MAGI2: variants seen among roughly 807,000 people sequenced by gnomAD.
MAGI2 encodes the protein membrane-associated guanylate kinase, WW and PDZ domain-containing protein 2.
MAGI2 carries 35 observed loss-of-function variants against 133.3 expected under a neutral mutation model. That is an observed-to-expected ratio of 0.26 (90% CI 0.20 to 0.35). MAGI2 has a LOEUF of 0.35. Ranked by LOEUF, MAGI2 falls within the 10% of genes least tolerant of loss-of-function variation. The pLI is 1.00. For synonymous variants in MAGI2, 729 were observed against 710.6 expected (o/e 1.03, Z -0.41); for missense variants, 1,636 against 1,863.4 (o/e 0.88, Z 2.25).
chr7:78,759,679 AT>A (rs572499017), intron 2 of MAGI2, among the ~76,000 whole-genome samples: 7 of 152,366 alleles, frequency 4.6e-5, no homozygotes, highest in Admixed American at 6.5e-5. Flanking sequence ...TTAGAAAAAA[AT>A]ACCTATTATT....
chr7:78,849,727 A>T (rs1473677187), intron 2 of MAGI2, among the ~76,000 whole-genome samples: 1 of 152,074 alleles, frequency 6.6e-6, no homozygotes, highest in African/African-American at 2.4e-5. Flanking sequence ...CTCTCTAAAG[A>T]TGACGTTTCT....
intron 1 of MAGI2, among the ~76,000 whole-genome samples, chr7:79,444,067 T>C (rs898360767): frequency 2.6e-5 from 4 of 152,178 alleles, no homozygotes; most frequent in African/African-American, 7.2e-5. Context: ...AAAAACCATA[T>C]GATTTTCTCA....
chr7:78,597,157 G>T (rs1250102115), intron 3 of MAGI2, among the ~76,000 whole-genome samples: 1 of 152,110 alleles, frequency 6.6e-6, no homozygotes, highest in Non-Finnish European at 1.5e-5. Context: ...AGACAAGCTT[G>T]AAAAACATGC....
chr7:78,959,053 C>T (rs145464045), intron 2 of MAGI2, among the ~76,000 whole-genome samples: 2 of 152,088 alleles, frequency 1.3e-5, no homozygotes, highest in Admixed American at 6.6e-5. Flanking sequence ...CCACGGGCAA[C>T]CTTGTAAGAT....
intron 3 of MAGI2, among the ~76,000 whole-genome samples, chr7:78,596,083 A>C (rs1160364767): frequency 6.6e-6 from 1 of 151,520 alleles, no homozygotes; most frequent in East Asian, 1.9e-4. Context: ...TTTGTAGATC[A>C]GAAAAAATGC....
intron 1 of MAGI2, chr7:79,412,943 A>T (rs1005125398): frequency 1.3e-5 from 2 of 152,142 alleles, no homozygotes; most frequent in African/African-American, 4.8e-5. Flanking sequence ...CTTTTGAGGG[A>T]GAAAATATCC....
At chr7:79,074,214 C>T (rs1815252133) in intron 1 of MAGI2, among the ~76,000 whole-genome samples, 1 of 152,156 alleles carries the variant, frequency 6.6e-6, no homozygotes, top group African/African-American at 2.4e-5. Flanking sequence ...AAGAGAGTTA[C>T]CATCTTAGGC....
intron 2 of MAGI2, among the ~76,000 whole-genome samples, chr7:78,717,214 G>GCC (rs1476568165): frequency 1.3e-5 from 2 of 151,968 alleles, no homozygotes; most frequent in Admixed American, 1.3e-4. Flanking sequence ...CCGTCGAGCC[G>GCC]CCCTCCTTGT....
intron 3 of MAGI2, among the ~76,000 whole-genome samples, chr7:78,624,813 A>C (rs942108596): frequency 2.0e-5 from 3 of 152,202 alleles, no homozygotes; most frequent in African/African-American, 7.2e-5. Flanking sequence ...GGTTATGTAT[A>C]GCGTGTAATA....
intron 6 of MAGI2, among the ~76,000 whole-genome samples, chr7:78,448,667 A>G (rs1462291304): frequency 6.6e-6 from 1 of 152,056 alleles, no homozygotes; most frequent in Non-Finnish European, 1.5e-5. Context: ...GGGTCCTCAA[A>G]ATGAGACCTT....
chr7:78,747,917 A>G (rs1311371814), intron 2 of MAGI2, among the ~76,000 whole-genome samples: 1 of 152,178 alleles, frequency 6.6e-6, no homozygotes, highest in African/African-American at 2.4e-5. Context: ...ATTTTATTAC[A>G]TACCACCATA....
chr7:78,349,205 T>C (rs1791233314), intron 7 of MAGI2, among the ~76,000 whole-genome samples: 1 of 152,222 alleles, frequency 6.6e-6, no homozygotes, highest in Non-Finnish European at 1.5e-5. Flanking sequence ...TTATTTATCT[T>C]TCTGTATTGA....
At chr7:78,164,091 C>A (rs1302159490) in intron 15 of MAGI2, among the ~76,000 whole-genome samples, 1 of 152,082 alleles carries the variant, frequency 6.6e-6, no homozygotes, top group Non-Finnish European at 1.5e-5. Flanking sequence ...AGACCTCTTG[C>A]AAATACCTCA....
intron 10 of MAGI2, among the ~76,000 whole-genome samples, chr7:78,236,466 C>T (rs934307145): frequency 3.3e-5 from 5 of 152,234 alleles, no homozygotes; most frequent in South Asian, 4.1e-4. Flanking sequence ...CAAATATGCA[C>T]GCCAAGCTCG....
chr7:79,401,214 C>G (rs887607879), intron 1 of MAGI2, among the ~76,000 whole-genome samples: 5 of 152,240 alleles, frequency 3.3e-5, no homozygotes, highest in African/African-American at 1.2e-4. Context: ...TGTATAGATA[C>G]ACATGCCACA....
intron 2 of MAGI2, among the ~76,000 whole-genome samples, chr7:78,908,875 G>A (rs1307177046): frequency 3.3e-5 from 5 of 152,120 alleles, no homozygotes; most frequent in Non-Finnish European, 7.3e-5. Context: ...AGAAAACCTA[G>A]GCAATACCAT....
At chr7:78,754,902 A>T (rs1355471878) in intron 2 of MAGI2, among the ~76,000 whole-genome samples, 6 of 152,190 alleles carry the variant, frequency 3.9e-5, no homozygotes, top group Non-Finnish European at 8.8e-5. Context: ...CTTCCTGAGG[A>T]AGTCCTTTTA....
intron 3 of MAGI2, among the ~76,000 whole-genome samples, chr7:78,608,799 T>C (rs983541338): frequency 1.3e-5 from 2 of 152,338 alleles, no homozygotes; most frequent in African/African-American, 2.4e-5. Flanking sequence ...AAAACCACTT[T>C]TGTCCTTGTT....
At chr7:79,375,303 T>C (rs774849610) in intron 1 of MAGI2, among the ~76,000 whole-genome samples, 4 of 152,012 alleles carry the variant, frequency 2.6e-5, no homozygotes, top group Admixed American at 6.6e-5. Flanking sequence ...GCATTCAGCA[T>C]GTAAACCTGG....
Sources: allele counts gnomAD v4.1 joint callset (sites outside exome capture counted in the v4.1 genomes callset), GRCh38; gene constraint gnomAD v4.1.1; transcripts MANE v1.5; gene names NCBI Gene and HGNC (gene_info 2026-07-23, HGNC 2026-07-21).